Variants in DLG2 observed in about 807,000 individuals in gnomAD.
DLG2 encodes the protein disks large homolog 2.
A neutral mutation model predicts 132.5 loss-of-function variants in DLG2; 45 were observed. The ratio of observed to expected loss-of-function variants is 0.34; its 90% CI spans 0.27 to 0.44. DLG2 has a LOEUF of 0.44. Ranked by LOEUF, DLG2 falls within the 20% of genes least tolerant of loss-of-function variation. The pLI is 1.00. For missense variants in DLG2, 1,045 were observed against 1,196.9 expected, an observed-to-expected ratio of 0.87 and a Z score of 1.87; for synonymous variants, 424 against 419.6, an observed-to-expected ratio of 1.01 and a Z score of -0.13.
intron 19 of DLG2, among the ~76,000 whole-genome samples, chr11:83,628,711 G>C (rs1017260053): frequency 1.3e-5 from 2 of 152,044 alleles, no homozygotes; most frequent in Non-Finnish European, 2.9e-5. Flanking sequence ...CAACACCAAG[G>C]GTCTAAGGAT....
chr11:83,487,015 T>C (rs1201470140), intron 21 of DLG2, among the ~76,000 whole-genome samples: 1 of 151,690 alleles, frequency 6.6e-6, no homozygotes, highest in Non-Finnish European at 1.5e-5. Flanking sequence ...GAAAATCTGT[T>C]ACACGAGTGC....
chr11:83,949,314 G>A (rs2084828989), intron 14 of DLG2, among the ~76,000 whole-genome samples: 1 of 152,054 alleles, frequency 6.6e-6, no homozygotes, highest in Non-Finnish European at 1.5e-5. Flanking sequence ...TGTTGTATGT[G>A]ATAACTACAC....
chr11:84,619,720 A>T (rs1471107717), intron 6 of DLG2, among the ~76,000 whole-genome samples: 1 of 151,726 alleles, frequency 6.6e-6, no homozygotes, highest in East Asian at 1.9e-4. Context: ...CTGATAAAAA[A>T]ATTCTCGAAA....
At chr11:84,013,296 A>G (rs2094983886) in intron 11 of DLG2, among the ~76,000 whole-genome samples, 1 of 152,110 alleles carries the variant, frequency 6.6e-6, no homozygotes, top group African/African-American at 2.4e-5. Flanking sequence ...CATGGCACTA[A>G]GCTTCTAGAC....
chr11:84,768,722 A>C (rs1231803664), intron 6 of DLG2, among the ~76,000 whole-genome samples: 1 of 152,064 alleles, frequency 6.6e-6, no homozygotes, highest in Non-Finnish European at 1.5e-5. Context: ...TTCTGAAAAA[A>C]AATGTAGATG....
At chr11:84,254,501 ATAAAG>A (rs1266023022) in intron 7 of DLG2, among the ~76,000 whole-genome samples, 1 of 152,204 alleles carries the variant, frequency 6.6e-6, no homozygotes, top group Non-Finnish European at 1.5e-5. Flanking sequence ...AAAGGTAGTG[ATAAAG>A]TATAGAAGTA....
chr11:83,768,744 G>A (rs1397246606), intron 18 of DLG2, among the ~76,000 whole-genome samples: 3 of 152,174 alleles, frequency 2.0e-5, no homozygotes. Context: ...GGAAAGTGCT[G>A]TAAAATCCAT....
intron 7 of DLG2, among the ~76,000 whole-genome samples, chr11:84,421,900 T>C (rs977440065): frequency 1.3e-5 from 2 of 152,196 alleles, no homozygotes; most frequent in Admixed American, 1.3e-4. Context: ...TTATGTTAAG[T>C]ATTTTCGAGC....
At chr11:84,407,066 G>A (rs936656551) in intron 7 of DLG2, among the ~76,000 whole-genome samples, 3 of 152,188 alleles carry the variant, frequency 2.0e-5, no homozygotes, top group Non-Finnish European at 2.9e-5. Flanking sequence ...CTGACCTTTT[G>A]TCCCAGTTAT....
intron 3 of DLG2, among the ~76,000 whole-genome samples, chr11:85,360,729 T>C (rs2084077928): frequency 6.6e-6 from 1 of 152,124 alleles, no homozygotes; most frequent in African/African-American, 2.4e-5. Context: ...ACTGGAAGTG[T>C]CCTCCCCTTC....
At chr11:85,197,688 A>T (rs532530231) in intron 4 of DLG2, among the ~76,000 whole-genome samples, 7 of 152,346 alleles carry the variant, frequency 4.6e-5, no homozygotes, top group African/African-American at 1.7e-4. Flanking sequence ...ATAAAATACC[A>T]TACCACAAGT....
intron 18 of DLG2, among the ~76,000 whole-genome samples, chr11:83,750,662 C>T (rs1316475183): frequency 6.6e-6 from 1 of 152,098 alleles, no homozygotes; most frequent in Non-Finnish European, 1.5e-5. Context: ...CCTATGAAAA[C>T]TGCTGATGTA....
At chr11:83,650,463 C>T (rs372029597) in intron 18 of DLG2, among the ~76,000 whole-genome samples, 7 of 152,182 alleles carry the variant, frequency 4.6e-5, no homozygotes, top group South Asian at 2.1e-4. Context: ...AGAGTCTTCA[C>T]GGGGGACTAG....
chr11:85,043,058 T>A (rs1272898492), intron 6 of DLG2, among the ~76,000 whole-genome samples: 1 of 151,892 alleles, frequency 6.6e-6, no homozygotes, highest in Non-Finnish European at 1.5e-5. Context: ...GCCTTTGCTA[T>A]CTTATTATAG....
intron 7 of DLG2, among the ~76,000 whole-genome samples, chr11:84,517,430 T>TA (rs1182854541): frequency 1.3e-5 from 2 of 151,558 alleles, no homozygotes; most frequent in African/African-American, 2.4e-5. Flanking sequence ...GAAATGCAAG[T>TA]AAAAAAACAA....
intron 15 of DLG2, among the ~76,000 whole-genome samples, chr11:83,922,429 T>C (rs1256302963): frequency 3.3e-5 from 5 of 152,138 alleles, no homozygotes; most frequent in Non-Finnish European, 5.9e-5. Context: ...AATAAGCTAC[T>C]ACATAAACTT....
intron 18 of DLG2, among the ~76,000 whole-genome samples, chr11:83,726,427 AG>A (rs1410065558): frequency 6.6e-6 from 1 of 152,186 alleles, no homozygotes; most frequent in African/African-American, 2.4e-5. Flanking sequence ...CAAAAATATT[AG>A]GAGAAAAGTT....
chr11:85,270,117 G>T (rs1445313141), intron 4 of DLG2, among the ~76,000 whole-genome samples: 1 of 152,100 alleles, frequency 6.6e-6, no homozygotes, highest in East Asian at 1.9e-4. Context: ...GGTACCATTT[G>T]GCTGTGTCCC....
chr11:85,551,587 AC>A (rs1293662835), intron 3 of DLG2, among the ~76,000 whole-genome samples: 1 of 152,112 alleles, frequency 6.6e-6, no homozygotes, highest in East Asian at 1.9e-4. Context: ...TTTAAAAATT[AC>A]AAAAACATTG....
Sources: allele counts gnomAD v4.1 joint callset (sites outside exome capture counted in the v4.1 genomes callset), GRCh38; gene constraint gnomAD v4.1.1; transcripts MANE v1.5; gene names NCBI Gene and HGNC (gene_info 2026-07-23, HGNC 2026-07-21).